PRKAG2: variants seen among roughly 807,000 people sequenced by gnomAD.
PRKAG2 encodes 5'-AMP-activated protein kinase subunit gamma-2.
Under a neutral mutation model 69.6 loss-of-function variants are expected in PRKAG2, and 26 were observed. That is an observed-to-expected ratio of 0.37 (90% confidence interval 0.27 to 0.52). The LOEUF is 0.52. PRKAG2 is among the 20% of genes least tolerant of loss of function. The probability of loss-of-function intolerance (pLI) is 0.90; values close to 1 mark genes in which losing one functional copy is unlikely to be tolerated. For missense variants in PRKAG2, 557 were observed against 740.0 expected (o/e 0.75, Z 2.87); for synonymous variants, 293 against 285.0 (o/e 1.03, Z -0.28).
At chr7:151,633,991 G>A (rs1369222803) in intron 4 of PRKAG2, among the ~76,000 whole-genome samples, 6 of 152,092 alleles carry the variant, frequency 3.9e-5, no homozygotes, top group African/African-American at 9.7e-5. Flanking sequence ...GTGCAGTGGC[G>A]CAACCTCGGC....
chr7:151,559,747 C>CA, intron 15 of PRKAG2: 1 of 985,292 alleles, frequency 1.0e-6, no homozygotes, highest in Non-Finnish European at 1.2e-6. Context: ...TCTGAGAGTT[C>CA]AAAGGGCATG....
chr7:151,628,838 T>C (rs1823671809), intron 5 of PRKAG2, among the ~76,000 whole-genome samples: 1 of 152,248 alleles, frequency 6.6e-6, no homozygotes, highest in Admixed American at 6.5e-5. Flanking sequence ...GAACTTGCTA[T>C]GTGCCAGCTG....
intron 1 of PRKAG2, among the ~76,000 whole-genome samples, chr7:151,874,525 G>GATGTATATGTATATGTATATGTAT (rs200152872): frequency 1.1e-4 from 8 of 72,480 alleles, no homozygotes; most frequent in African/African-American, 2.0e-4. Flanking sequence ...ATATGTATAT[G>GATGTATATGTATATGTATATGTAT]ATGTATATGT....
intron 1 of PRKAG2, among the ~76,000 whole-genome samples, chr7:151,870,307 G>A (rs910870601): frequency 2.0e-5 from 3 of 152,098 alleles, no homozygotes; most frequent in Admixed American, 1.3e-4. Flanking sequence ...AAGAATCACC[G>A]GAGAACTTAA....
chr7:151,559,427 C>T, intron 15 of PRKAG2: 1 of 985,338 alleles, frequency 1.0e-6, no homozygotes, highest in Non-Finnish European at 1.2e-6. Flanking sequence ...TGCACCAGGC[C>T]CCATTTCTAG....
intron 15 of PRKAG2, chr7:151,558,426 C>T (rs1804240816): frequency 1.4e-5 from 14 of 985,316 alleles, no homozygotes; most frequent in Non-Finnish European, 1.6e-5. Context: ...TTCATAGCAA[C>T]ATAGGAGGGA....
At chr7:151,685,935 A>G (rs1433414600) in intron 3 of PRKAG2, among the ~76,000 whole-genome samples, 1 of 152,204 alleles carries the variant, frequency 6.6e-6, no homozygotes, top group Non-Finnish European at 1.5e-5. Context: ...AATGTCTTGA[A>G]TAGCTGGCTT....
intron 3 of PRKAG2, among the ~76,000 whole-genome samples, chr7:151,709,525 C>A (rs1427495276): frequency 6.6e-6 from 1 of 151,982 alleles, no homozygotes; most frequent in Non-Finnish European, 1.5e-5. Context: ...CACTGAGTGA[C>A]CTGTGTGACA....
intron 3 of PRKAG2, among the ~76,000 whole-genome samples, chr7:151,761,939 G>T (rs916854918): frequency 1.3e-5 from 2 of 152,192 alleles, no homozygotes; most frequent in African/African-American, 2.4e-5. Context: ...GTTAGGGGAC[G>T]CACGTTTTTC....
chr7:151,591,874 C>T (rs1813228865), intron 6 of PRKAG2, among the ~76,000 whole-genome samples: 1 of 152,158 alleles, frequency 6.6e-6, no homozygotes, highest in Non-Finnish European at 1.5e-5. Context: ...TAATGACTCT[C>T]CCGCTGGGAA....
intron 6 of PRKAG2, among the ~76,000 whole-genome samples, chr7:151,581,417 G>A (rs1810440992): frequency 6.6e-6 from 1 of 152,132 alleles, no homozygotes. Context: ...TGAGTCCAAT[G>A]GATCTAAACC....
chr7:151,662,655 C>A (rs1028328954), intron 4 of PRKAG2, among the ~76,000 whole-genome samples: 2 of 152,168 alleles, frequency 1.3e-5, no homozygotes, highest in Non-Finnish European at 2.9e-5. Flanking sequence ...GCTCCCAGCA[C>A]TTTGGGAGGC....
Position 151,771,858 on chromosome 7 carries a change from T to A in PRKAG2, c.466+9294A>T, listed in dbSNP as rs917485182. Among the ~76,000 whole-genome samples the A allele has an allele frequency of 1.3e-5, 2 of 152,220 alleles. No individual in the cohort carries two copies. Among genetic ancestry groups the A allele is most frequent in the African/African-American group, 4.8e-5 (2 of 41,458 alleles). On this transcript the variant is annotated intron_variant, in intron 3 of 15. Coordinates refer to ENST00000287878, the MANE Select transcript of PRKAG2 (RefSeq NM_016203.4). The surrounding 1 kb of genome is among the most constrained non-coding windows in gnomAD (Gnocchi z 4.0). ...CCGGTCGGGCTTACATATGACCCAC[T>A]GAAATCCCTGGGTCAGTATAGCCAT...
At chr7:151,731,916 C>T (rs902576072) in intron 3 of PRKAG2, among the ~76,000 whole-genome samples, 1 of 152,152 alleles carries the variant, frequency 6.6e-6, no homozygotes, top group African/African-American at 2.4e-5. Context: ...TGGCTCACTT[C>T]AACCTCTGCC....
At chr7:151,762,393 G>A (rs561416728) in intron 3 of PRKAG2, among the ~76,000 whole-genome samples, 32 of 152,260 alleles carry the variant, frequency 2.1e-4, no homozygotes, top group African/African-American at 7.2e-4. Flanking sequence ...TTACATATAC[G>A]ACGTATACGT....
intron 5 of PRKAG2, among the ~76,000 whole-genome samples, chr7:151,610,883 C>G (rs553841098): frequency 6.6e-6 from 1 of 151,418 alleles, no homozygotes; most frequent in East Asian, 2.0e-4. Context: ...TCCTGAGTAG[C>G]TGGGATTTCA....
intron 3 of PRKAG2, among the ~76,000 whole-genome samples, chr7:151,752,201 C>T (rs2074739853): frequency 6.6e-6 from 1 of 152,162 alleles, no homozygotes; most frequent in Admixed American, 6.5e-5. Context: ...TACATATGTG[C>T]TGCGGAATAT....
intron 1 of PRKAG2, among the ~76,000 whole-genome samples, chr7:151,824,964 A>G (rs1427499289): frequency 6.6e-6 from 1 of 152,226 alleles, no homozygotes; most frequent in Non-Finnish European, 1.5e-5. Context: ...CTGCAGCCCT[A>G]GCACTTCGGG....
chr7:151,598,489 T>A (rs1362350704), intron 5 of PRKAG2, among the ~76,000 whole-genome samples: 1 of 152,158 alleles, frequency 6.6e-6, no homozygotes, highest in Non-Finnish European at 1.5e-5. Context: ...AGGTGACAGA[T>A]ATACTAATTA....
Sources: allele counts gnomAD v4.1 joint callset (sites outside exome capture counted in the v4.1 genomes callset), GRCh38; gene constraint gnomAD v4.1.1; non-coding constraint Gnocchi (gnomAD v3.1); transcripts MANE v1.5; gene names NCBI Gene and HGNC (gene_info 2026-07-23, HGNC 2026-07-21).